The following HSD17B12 variants were observed in gnomAD, a reference collection of about 807,000 sequenced individuals.
HSD17B12 encodes hydroxysteroid 17-beta dehydrogenase 12.
Under a neutral mutation model 39.3 loss-of-function variants are expected in HSD17B12, and 32 were observed. The ratio of observed to expected loss-of-function variants is 0.81; its 90% CI spans 0.61 to 1.09. The LOEUF is 1.09. Among genes scored for constraint, HSD17B12 ranks in the 50% least tolerant of loss-of-function variants. HSD17B12 has a pLI of 0.00. For missense variants in HSD17B12, 342 were observed against 382.9 expected (o/e 0.89, Z 0.89); for synonymous variants, 150 against 146.7 (o/e 1.02, Z -0.16).
At chr11:43,750,377 CT>C (rs769161191) in intron 1 of HSD17B12, among the ~76,000 whole-genome samples, 1 of 151,932 alleles carries the variant, frequency 6.6e-6, no homozygotes, top group Non-Finnish European at 1.5e-5. Flanking sequence ...ATCAGTAGTT[CT>C]TTTTTTATTT....
At chr11:43,662,609 A>G in the HSD17B12 span, among the ~76,000 whole-genome samples, 5 of 152,160 alleles carry the variant, frequency 3.3e-5, no homozygotes, top group Non-Finnish European at 2.9e-5. Flanking sequence ...CTGAAATGAG[A>G]CTTAAAACAA....
chr11:43,849,760 C>A (rs1951513864), intron 9 of HSD17B12, among the ~76,000 whole-genome samples: 1 of 152,130 alleles, frequency 6.6e-6, no homozygotes, highest in Non-Finnish European at 1.5e-5. Context: ...TGTTTGTGGT[C>A]TATATCCTCC....
chr11:43,557,045 GT>G, the HSD17B12 span: 6 of 152,130 alleles, frequency 3.9e-5, no homozygotes, highest in African/African-American at 1.4e-4. Context: ...GAGTAGATTT[GT>G]ATGACTGACC....
intron 1 of HSD17B12, among the ~76,000 whole-genome samples, chr11:43,707,567 T>A (rs1340074795): frequency 6.6e-6 from 1 of 152,214 alleles, no homozygotes; most frequent in Non-Finnish European, 1.5e-5. Context: ...GGAAAAGGAT[T>A]GGGAGTTATC....
the HSD17B12 span, among the ~76,000 whole-genome samples, chr11:43,595,795 A>G: frequency 1.3e-5 from 2 of 152,282 alleles, no homozygotes; most frequent in South Asian, 2.1e-4. Context: ...CTCTCTCCCC[A>G]TTGTACATGA....
intron 3 of HSD17B12, among the ~76,000 whole-genome samples, chr11:43,781,000 G>A (rs185860667): frequency 1.6e-4 from 25 of 152,206 alleles, no homozygotes; most frequent in East Asian, 3.9e-4. Context: ...CAGACTAGTC[G>A]CACCTATAAC....
At chr11:43,814,289 G>A (rs113465340) in intron 4 of HSD17B12, among the ~76,000 whole-genome samples, 1,626 of 151,932 alleles carry the variant, frequency 0.011, 14 homozygotes, top group African/African-American at 0.03. Context: ...CTCTATCACC[G>A]GGCAATTTTT....
chr11:43,805,880 T>A (rs1253089503), intron 4 of HSD17B12, among the ~76,000 whole-genome samples: 1 of 152,192 alleles, frequency 6.6e-6, no homozygotes, highest in African/African-American at 2.4e-5. Flanking sequence ...TACAAATTCT[T>A]GGGTTCGTAT....
At chr11:43,848,545 A>G (rs1951500785) in intron 9 of HSD17B12, 1 of 152,248 alleles carries the variant, frequency 6.6e-6, no homozygotes, top group South Asian at 2.1e-4. Context: ...GAAAACTTAG[A>G]AAATAATTGC....
chr11:43,766,909 C>T (rs563302027), intron 3 of HSD17B12, among the ~76,000 whole-genome samples: 1 of 152,254 alleles, frequency 6.6e-6, no homozygotes, highest in African/African-American at 2.4e-5. Flanking sequence ...TGTTACCAGT[C>T]GTTTACTCTG....
chr11:43,793,579 C>T (rs1290192550), intron 3 of HSD17B12, among the ~76,000 whole-genome samples: 1 of 152,078 alleles, frequency 6.6e-6, no homozygotes, highest in South Asian at 2.1e-4. Context: ...ATGATGATGG[C>T]CAGAGCTGGA....
At chr11:43,560,485 T>C in the HSD17B12 span, among the ~76,000 whole-genome samples, 1 of 152,222 alleles carries the variant, frequency 6.6e-6, no homozygotes, top group Admixed American at 6.5e-5. Flanking sequence ...TTGCCTTCCT[T>C]CTGCATTTGA....
At chr11:43,714,863 G>A (rs574794827) in intron 1 of HSD17B12, among the ~76,000 whole-genome samples, 1 of 152,134 alleles carries the variant, frequency 6.6e-6, no homozygotes, top group African/African-American at 2.4e-5. Flanking sequence ...TGGATTCCTA[G>A]GTATTTTATT....
chr11:43,588,681 G>A, the HSD17B12 span, among the ~76,000 whole-genome samples: 1 of 150,136 alleles, frequency 6.7e-6, no homozygotes, highest in African/African-American at 2.4e-5. Context: ...TGTCATACAA[G>A]GCTTAAATCA....
intron 1 of HSD17B12, among the ~76,000 whole-genome samples, chr11:43,695,126 ACT>A (rs1325809635): frequency 6.7e-6 from 1 of 150,350 alleles, no homozygotes; most frequent in Non-Finnish European, 1.5e-5. Context: ...ACAGAGTGAG[ACT>A]CTGTCTCAAA....
At chr11:43,583,927 A>G in the HSD17B12 span, among the ~76,000 whole-genome samples, 1 of 152,124 alleles carries the variant, frequency 6.6e-6, no homozygotes, top group African/African-American at 2.4e-5. Flanking sequence ...GGCCCAGCCA[A>G]CTAGCTTAAC....
the HSD17B12 span, among the ~76,000 whole-genome samples, chr11:43,618,063 C>G: frequency 6.6e-6 from 1 of 152,074 alleles, no homozygotes; most frequent in African/African-American, 2.4e-5. Context: ...CTACCTGGGC[C>G]TATTATAGAA....
chr11:43,817,034 CTATATCTA>C (rs1488126371), intron 6 of HSD17B12, among the ~76,000 whole-genome samples: 25 of 17,540 alleles, frequency 1.4e-3, no homozygotes, highest in South Asian at 5.7e-3. Flanking sequence ...ATATCTATAT[CTATATCTA>C]TATATATATA....
intron 3 of HSD17B12, among the ~76,000 whole-genome samples, chr11:43,760,779 CT>C (rs1439727651): frequency 2.6e-5 from 4 of 152,100 alleles, no homozygotes; most frequent in Non-Finnish European, 5.9e-5. Context: ...ACCTGTAGAC[CT>C]TTTCGTTTTA....
Sources: allele counts gnomAD v4.1 joint callset (sites outside exome capture counted in the v4.1 genomes callset), GRCh38; gene constraint gnomAD v4.1.1; transcripts MANE v1.5; gene names NCBI Gene and HGNC (gene_info 2026-07-23, HGNC 2026-07-21).